PDE1A: variants seen among roughly 807,000 people sequenced by gnomAD.
PDE1A encodes phosphodiesterase 1A, also known as dual specificity calcium/calmodulin-dependent 3',5'-cyclic nucleotide phosphodiesterase 1A.
Under a neutral mutation model 61.7 loss-of-function variants are expected in PDE1A, and 35 were observed. That is an observed-to-expected ratio of 0.57 (90% CI 0.43 to 0.75). The LOEUF (loss-of-function observed/expected upper bound fraction) is 0.75, where lower values mean the gene tolerates loss of function less well. Among genes scored for constraint, PDE1A ranks in the 30% least tolerant of loss-of-function variants. PDE1A has a pLI of 0.00. For synonymous variants in PDE1A, 232 were observed against 213.2 expected (o/e 1.09, Z -0.77); for missense variants, 597 against 630.6 (o/e 0.95, Z 0.57).
intron 1 of PDE1A, among the ~76,000 whole-genome samples, chr2:182,301,807 G>C (rs916045091): frequency 1.3e-5 from 2 of 152,186 alleles, no homozygotes; most frequent in South Asian, 4.1e-4. Flanking sequence ...GTCTGAAAAG[G>C]TCATAGTAAC....
intron 1 of PDE1A, among the ~76,000 whole-genome samples, chr2:182,334,282 ACACACACATG>A (rs1419682784): frequency 6.6e-6 from 1 of 151,588 alleles, no homozygotes. Flanking sequence ...ACACACACAC[ACACACACATG>A]CACACACACA....
chr2:182,451,395 A>G (rs1216508679), intron 2 of PDE1A, among the ~76,000 whole-genome samples: 1 of 151,306 alleles, frequency 6.6e-6, no homozygotes, highest in East Asian at 1.9e-4. Flanking sequence ...AAAAAAAAAA[A>G]AAAATATTTT....
chr2:182,196,459 A>T (rs934502673), intron 10 of PDE1A, among the ~76,000 whole-genome samples: 10 of 151,856 alleles, frequency 6.6e-5, no homozygotes, highest in African/African-American at 1.4e-4. Flanking sequence ...GTCTTCTTTA[A>T]GTCAGAGATG....
chr2:182,209,911 C>A (rs1485045104), intron 7 of PDE1A, among the ~76,000 whole-genome samples: 1 of 152,136 alleles, frequency 6.6e-6, no homozygotes, highest in Non-Finnish European at 1.5e-5. Flanking sequence ...GAAGATAATA[C>A]AATTGGTTCC....
intron 1 of PDE1A, among the ~76,000 whole-genome samples, chr2:182,419,336 C>CTTTTTTTTTTTTTTTTTT: frequency 7.5e-6 from 1 of 132,626 alleles, no homozygotes; most frequent in Admixed American, 7.6e-5. Context: ...TTTTTCTTTT[C>CTTTTTTTTTTTTTTTTTT]TTTTTTTTTT....
downstream of PDE1A, among the ~76,000 whole-genome samples, chr2:182,144,896 A>T (rs1690412039): frequency 6.6e-6 from 1 of 152,148 alleles, no homozygotes; most frequent in Non-Finnish European, 1.5e-5. Flanking sequence ...TTACTCTGCC[A>T]GAGTAAAAAT....
chr2:182,613,913 T>A, the PDE1A span, among the ~76,000 whole-genome samples: 134 of 152,312 alleles, frequency 8.8e-4, 1 homozygote, highest in African/African-American at 2.9e-3. Flanking sequence ...CTCCTTTCAA[T>A]GATGACATAT....
chr2:182,219,281 T>A (rs773574821), intron 7 of PDE1A, among the ~76,000 whole-genome samples: 106 of 152,030 alleles, frequency 7.0e-4, no homozygotes, highest in Non-Finnish European at 1.3e-3. Context: ...TGTCTGTATT[T>A]TAATATAATT....
chr2:182,280,745 A>G (rs946056350), intron 1 of PDE1A, among the ~76,000 whole-genome samples: 6 of 151,414 alleles, frequency 4.0e-5, no homozygotes, highest in African/African-American at 1.5e-4. Context: ...ATAAATTTTT[A>G]TTTTCAATTT....
the PDE1A span, among the ~76,000 whole-genome samples, chr2:182,638,734 A>G: frequency 2.0e-5 from 3 of 152,240 alleles, no homozygotes; most frequent in Admixed American, 6.5e-5. Flanking sequence ...GGAAGATTAC[A>G]ACAGAAGCAG....
intron 1 of PDE1A, among the ~76,000 whole-genome samples, chr2:182,371,747 T>C (rs76413947): frequency 0.024 from 3,679 of 152,290 alleles, 133 homozygotes; most frequent in African/African-American, 0.082. Context: ...CTTACTTTTA[T>C]GATAAATGTT....
At chr2:182,522,334 T>C (rs745618199) in exon 2 of PDE1A, 5 of 1,613,524 alleles carry the variant, frequency 3.1e-6, no homozygotes, top group Non-Finnish European at 4.2e-6. Flanking sequence ...TACTTAAAAG[T>C]GGTGTTTTCC....
At chr2:182,516,702 G>GAGGAAGGAAGGAAAGAAGGA (rs1690182813) in intron 2 of PDE1A, among the ~76,000 whole-genome samples, 1 of 116,764 alleles carries the variant, frequency 8.6e-6, no homozygotes, top group Non-Finnish European at 1.7e-5. Flanking sequence ...GGGAGGAAGG[G>GAGGAAGGAAGGAAAGAAGGA]AGGAAGGAAG....
At chr2:182,278,099 T>C (rs1474446864) in intron 1 of PDE1A, among the ~76,000 whole-genome samples, 1 of 152,056 alleles carries the variant, frequency 6.6e-6, no homozygotes, top group East Asian at 1.9e-4. Context: ...ATATTTAATA[T>C]AGTGATTAAA....
In PDE1A at chr2:182,469,796, T is replaced by C. The variant is rs1002154193; in HGVS notation, c.101+52480A>G. 8.6e-5 allele frequency among the ~76,000 whole-genome samples: 13 copies of C among 151,944 alleles called. No individual in the cohort carries two copies. The East Asian group carries it at 1.9e-3, about 23-fold the overall frequency. The stretch of plus-strand genomic sequence containing the variant: ...GAACATTTAGAGGCCTTAGAGGCCA[T>C]AGAGGTCATTGAAAGGTTACTAATT... On this transcript the variant is annotated intron_variant, in intron 2 of 14. Coordinates refer to the PDE1A transcript ENST00000410103.
At chr2:182,636,102 C>A in the PDE1A span, among the ~76,000 whole-genome samples, 1 of 151,594 alleles carries the variant, frequency 6.6e-6, no homozygotes, top group African/African-American at 2.4e-5. Context: ...ACTACAGGTG[C>A]CCGCCACCGT....
the PDE1A span, among the ~76,000 whole-genome samples, chr2:182,585,109 T>C: frequency 1.3e-5 from 2 of 152,192 alleles, no homozygotes; most frequent in Non-Finnish European, 2.9e-5. Context: ...GAACTGGATA[T>C]AAATTGGCAG....
At chr2:182,448,707 G>T (rs1331683350) in intron 2 of PDE1A, among the ~76,000 whole-genome samples, 1 of 151,956 alleles carries the variant, frequency 6.6e-6, no homozygotes, top group Non-Finnish European at 1.5e-5. Context: ...GTTCCAAATT[G>T]GTTTAATTTA....
chr2:182,203,055 C>T (rs1259901113), intron 8 of PDE1A, among the ~76,000 whole-genome samples: 3 of 152,184 alleles, frequency 2.0e-5, no homozygotes, highest in African/African-American at 4.8e-5. Flanking sequence ...GTGGCTCACG[C>T]CTGTAATCCC....
Sources: gnomAD v4.1 joint callset for allele counts (sites outside exome capture counted in the v4.1 genomes callset) on GRCh38, gnomAD v4.1.1 for gene constraint, MANE v1.5 for transcripts, NCBI Gene and HGNC (gene_info 2026-07-23, HGNC 2026-07-21) for gene names.